The following RBM47 variants were observed in gnomAD, a reference collection of about 807,000 sequenced individuals.
RBM47 encodes RNA binding motif protein 47, also known as RNA-binding protein 47.
Under a neutral mutation model 47.1 loss-of-function variants are expected in RBM47, and 21 were observed. The ratio of observed to expected loss-of-function variants is 0.45; its 90% CI spans 0.32 to 0.64. RBM47 has a LOEUF of 0.64. RBM47 is among the 30% of genes least tolerant of loss of function. The pLI, the probability that RBM47 is intolerant of heterozygous loss-of-function variation, is 0.05. For missense variants in RBM47, 708 were observed against 870.9 expected, an observed-to-expected ratio of 0.81 and a Z score of 2.35; for synonymous variants, 375 against 361.7, an observed-to-expected ratio of 1.04 and a Z score of -0.42.
At chr4:40,533,426 T>G (rs1727602085) in intron 2 of RBM47, among the ~76,000 whole-genome samples, 1 of 137,918 alleles carries the variant, frequency 7.3e-6, no homozygotes, top group Non-Finnish European at 1.5e-5. Flanking sequence ...AGAGCAAGAC[T>G]CTGTCTCAAA....
At chr4:40,629,955 C>T (rs1738089593), upstream of RBM47, 1 of 152,182 alleles carries the variant, frequency 6.6e-6, no homozygotes. Flanking sequence ...TGTCTCTCGT[C>T]TACTCCCTTC....
intron 2 of RBM47, among the ~76,000 whole-genome samples, chr4:40,513,377 T>C (rs1239213449): frequency 6.6e-6 from 1 of 152,228 alleles, no homozygotes; most frequent in African/African-American, 2.4e-5. Flanking sequence ...TGCAACACTT[T>C]TCCCCAAGAA....
chr4:40,467,732 T>G (rs1718264788), intron 2 of RBM47, among the ~76,000 whole-genome samples: 1 of 152,222 alleles, frequency 6.6e-6, no homozygotes, highest in South Asian at 2.1e-4. Context: ...TAAAGATATT[T>G]CAGATGAGGA....
At chr4:40,474,425 G>A (rs1007842339) in intron 2 of RBM47, among the ~76,000 whole-genome samples, 2 of 152,134 alleles carry the variant, frequency 1.3e-5, no homozygotes, top group East Asian at 1.9e-4. Context: ...AATGGCAGAC[G>A]TCTTACAAAA....
At chr4:40,546,805 G>A (rs4593168) in intron 1 of RBM47, among the ~76,000 whole-genome samples, 1 of 152,192 alleles carries the variant, frequency 6.6e-6, no homozygotes, top group Non-Finnish European at 1.5e-5. Context: ...ACAGCAAATG[G>A]AGGTGGTGCC....
At chr4:40,623,506 C>G (rs1737453215) in intron 1 of RBM47, among the ~76,000 whole-genome samples, 1 of 152,048 alleles carries the variant, frequency 6.6e-6, no homozygotes, top group African/African-American at 2.4e-5. Flanking sequence ...GGTTGACCCT[C>G]CGTATTTTTT....
intron 3 of RBM47, chr4:40,455,424 T>C (rs1181516473): frequency 6.6e-6 from 1 of 152,180 alleles, no homozygotes; most frequent in Non-Finnish European, 1.5e-5. Context: ...TCACCATCTA[T>C]AAAATGGTGA....
At chr4:40,479,095 A>G (rs998764180) in intron 2 of RBM47, among the ~76,000 whole-genome samples, 1 of 152,246 alleles carries the variant, frequency 6.6e-6, no homozygotes, top group Non-Finnish European at 1.5e-5. Context: ...AAGCTAATTA[A>G]CCAGTATTGA....
At chr4:40,474,028 T>A (rs192432826) in intron 2 of RBM47, among the ~76,000 whole-genome samples, 1 of 152,308 alleles carries the variant, frequency 6.6e-6, no homozygotes, top group East Asian at 1.9e-4. Context: ...ATGCACCTTG[T>A]ACCAGTGAAA....
In RBM47 at chr4:40,424,010, T is replaced by C. The variant is rs1393927671; in HGVS notation, c.*1894A>G. 6.6e-6 allele frequency: 1 copy of C among 152,280 alleles called. No homozygotes were observed. The highest frequency in any genetic ancestry group is 2.1e-4 in the South Asian group (1 of 4,836). 9.4% of individuals were successfully genotyped at this position (152,280 alleles called of 1,614,324 possible). ...TTAAAAGAATGATGGAAAGGAATGT[T>C]AGCGGTGCTTAAAGGCCTCAGTAGG... On this transcript the variant is annotated 3_prime_UTR_variant, in exon 7 of 7. Transcript: ENST00000295971.
intron 1 of RBM47, among the ~76,000 whole-genome samples, chr4:40,599,257 CA>C (rs11445088): frequency 4.3e-4 from 55 of 128,022 alleles, no homozygotes; most frequent in Admixed American, 4.1e-4. Flanking sequence ...GACTCCGTCT[CA>C]AAAAAAAAAA....
At chr4:40,449,008 T>C (rs1482805338) in intron 3 of RBM47, among the ~76,000 whole-genome samples, 1 of 152,230 alleles carries the variant, frequency 6.6e-6, no homozygotes, top group Non-Finnish European at 1.5e-5. Context: ...TTTATCTTAC[T>C]GCCTTGGTCC....
intron 1 of RBM47, among the ~76,000 whole-genome samples, chr4:40,602,491 T>C (rs1735374601): frequency 6.6e-6 from 1 of 151,650 alleles, no homozygotes; most frequent in Non-Finnish European, 1.5e-5. Flanking sequence ...CTACTAAAAA[T>C]ACAAAAATTA....
At chr4:40,581,715 G>A (rs1439127450) in intron 1 of RBM47, among the ~76,000 whole-genome samples, 1 of 116,186 alleles carries the variant, frequency 8.6e-6, no homozygotes, top group Non-Finnish European at 1.9e-5. Context: ...TAACCAGAGA[G>A]CCTTCAGGGT....
intron 1 of RBM47, among the ~76,000 whole-genome samples, chr4:40,552,672 G>A (rs1729675011): frequency 1.3e-5 from 2 of 152,140 alleles, no homozygotes; most frequent in African/African-American, 4.8e-5. Context: ...AAAATCCAGA[G>A]TCCTTCCCCA....
intron 1 of RBM47, among the ~76,000 whole-genome samples, chr4:40,603,194 T>C (rs1037459389): frequency 1.3e-5 from 2 of 152,212 alleles, no homozygotes; most frequent in African/African-American, 4.8e-5. Flanking sequence ...GAACTTTATA[T>C]AAAAGAGATT....
chr4:40,526,410 T>A (rs11737664), intron 2 of RBM47, among the ~76,000 whole-genome samples: 2 of 149,478 alleles, frequency 1.3e-5, no homozygotes, highest in East Asian at 3.8e-4. Flanking sequence ...CAGAAAACGA[T>A]TGGCCTTAAA....
chr4:40,555,180 A>G (rs902367121), intron 1 of RBM47, among the ~76,000 whole-genome samples: 2 of 151,642 alleles, frequency 1.3e-5, no homozygotes, highest in African/African-American at 2.4e-5. Flanking sequence ...CAGGCAATCC[A>G]CCCGCCTCAG....
At chr4:40,458,474 T>C (rs1313937727) in intron 3 of RBM47, among the ~76,000 whole-genome samples, 1 of 152,220 alleles carries the variant, frequency 6.6e-6, no homozygotes, top group Non-Finnish European at 1.5e-5. Flanking sequence ...ACTCTCAACA[T>C]TGAAAAAGTC....
Sources: gnomAD v4.1 joint callset for allele counts (sites outside exome capture counted in the v4.1 genomes callset) on GRCh38, gnomAD v4.1.1 for gene constraint, MANE v1.5 for transcripts, NCBI Gene and HGNC (gene_info 2026-07-23, HGNC 2026-07-21) for gene names.